Variants in MDN1 observed in about 807,000 individuals in gnomAD.
MDN1 encodes midasin AAA ATPase 1.
Under a neutral mutation model 669.2 loss-of-function variants are expected in MDN1, and 266 were observed. That is an observed-to-expected ratio of 0.40 (90% confidence interval 0.36 to 0.44). The LOEUF (loss-of-function observed/expected upper bound fraction) is 0.44, where lower values mean the gene tolerates loss of function less well. Ranked by LOEUF, MDN1 falls within the 20% of genes least tolerant of loss-of-function variation. The pLI, the probability that MDN1 is intolerant of heterozygous loss-of-function variation, is 1.00. For synonymous variants in MDN1, 2,385 were observed against 2,457.1 expected, an observed-to-expected ratio of 0.97 and a Z score of 0.87; for missense variants, 5,940 against 6,754.0, an observed-to-expected ratio of 0.88 and a Z score of 4.22.
intron 79 of MDN1, 21 bp from the exon 80 acceptor site, chr6:89,673,483 T>G (rs774137465): frequency 2.5e-6 from 4 of 1,607,986 alleles, no homozygotes. Flanking sequence ...AATGCCACAA[T>G]GTTGAAAGGA....
rs878957488 is a variant in MDN1, at chr6:89,672,591, T to C, written c.13586A>G (p.Lys4529Arg). Reference sequence around the variant, plus strand: ...TGCTTGGTCAGTGTTCTCCTCTGCTTTTTCATTCTTTCTTTCTTCTAAGTT... The same window carrying C: ...TGCTTGGTCAGTGTTCTCCTCTGCTCTTTCATTCTTTCTTTCTTCTAAGTT... The part of the protein sequence containing the change: ...IQNLEERKNE[K>R]AEENTDQASP... The change falls in exon 81 of 102, where the codon AAA becomes AGA. Residue 4529 changes from lysine (K) to arginine (R), a missense_variant. Physicochemically the swap from Lys to Arg is conservative, Grantham distance 26. Transcript: ENST00000369393. The C allele has an allele frequency of 6.2e-7, 1 of 1,614,186 alleles. No individual in the cohort carries two copies. The highest frequency in any genetic ancestry group is 1.1e-5 in the South Asian group (1 of 91,078).
rs376293611 is a variant in MDN1, at chr6:89,716,799, T to C, written c.6594A>G (p.Lys2198=). ...CAAAGCTTCGGAACTCTTCAACAAG[T>C]TTGGCAAACTCTGAAATGTCACAGG... ...INSYCKAEFA[K]LVEEFRSFGV... Residue 2198 remains lysine (K), a synonymous_variant, in exon 44 of 102, where the codon AAA becomes AAG. Transcript: ENST00000369393. The C allele has an allele frequency of 5.6e-6, 9 of 1,602,764 alleles. No homozygotes were observed. Among genetic ancestry groups the C allele is most frequent in the Non-Finnish European group, 7.7e-6 (9 of 1,175,664 alleles).
intron 43 of MDN1, 49 bp from the exon 44 acceptor site, chr6:89,716,858 CA>C: frequency 2.7e-6 from 4 of 1,489,218 alleles, no homozygotes; most frequent in Non-Finnish European, 2.7e-6. Flanking sequence ...TAACTTCAAA[CA>C]AAGAATTAAG....
At chr6:89,652,325 T>A (rs1395784362) in intron 94 of MDN1, 44 bp from the exon 95 acceptor site, 7 of 1,492,340 alleles carry the variant, frequency 4.7e-6, no homozygotes, top group Non-Finnish European at 6.5e-6. Context: ...CAGGTTGGAA[T>A]CACCAACTTA....
intron 20 of MDN1, 107 bp downstream of exon 20, chr6:89,756,170 T>C (rs2128319745): frequency 1.9e-6 from 1 of 534,624 alleles, no homozygotes; most frequent in South Asian, 3.8e-5. Flanking sequence ...TGCCATCAGT[T>C]TTCTCAAGTT....
At chr6:89,706,485 T>G (rs373999228) in intron 52 of MDN1, among the ~76,000 whole-genome samples, 3 of 152,300 alleles carry the variant, frequency 2.0e-5, no homozygotes, top group South Asian at 4.1e-4. Flanking sequence ...ATTTTCTATT[T>G]TACAATGTTT....
At position 89,688,750 on chromosome 6, in the gene MDN1, A is replaced by G. The variant is rs2128307747; in HGVS notation, c.11082T>C (p.His3694=). ...GSQLLACTLS[H]NTLFGEAPSD... is the part of the protein sequence containing the mutation. ...AGGGTGCCTCCCCAAAAAGAGTGTT[A>G]TGGGAGAGGGTACAGGCCAAAAGTT... Residue 3694 remains histidine, a synonymous_variant, in exon 66 of 102, where the codon CAT becomes CAC. Transcript: ENST00000369393. 6.2e-7 allele frequency: 1 copy of G among 1,614,190 alleles called. No homozygotes were observed. The highest frequency in any genetic ancestry group is 8.5e-7 in the Non-Finnish European group (1 of 1,180,036).
At chr6:89,783,154 G>C (rs1464090417) in intron 9 of MDN1, among the ~76,000 whole-genome samples, 1 of 152,166 alleles carries the variant, frequency 6.6e-6, no homozygotes, top group Non-Finnish European at 1.5e-5. Context: ...CAGGCAAAAA[G>C]AGCCATATTT....
Position 89,698,973 on chromosome 6 carries a change from G to A in MDN1, c.9060C>T (p.Phe3020=), listed in dbSNP as rs773523001. 1.2e-6 allele frequency: 2 copies of A among 1,613,970 alleles called. No homozygotes were observed. The highest frequency in any genetic ancestry group is 1.7e-6 in the Non-Finnish European group (2 of 1,179,920). The change falls in exon 59 of 102, where the codon TTC becomes TTT. Residue 3020 remains phenylalanine, a synonymous_variant. Transcript: ENST00000369393. The part of the protein sequence containing the change: ...SELFNSMFMS[F]WSSTVTTNPE... ...GATTTGTGGTCACAGTACTGCTCCA[G>A]AAAGACATAAACATGGAATTAAATA...
intron 89 of MDN1, 86 bp from the exon 90 acceptor site, chr6:89,658,456 C>G: frequency 6.4e-7 from 1 of 1,574,612 alleles, no homozygotes; most frequent in Admixed American, 1.7e-5. Context: ...GGCTTCCCCA[C>G]TCCTCACTAA....
intron 11 of MDN1, among the ~76,000 whole-genome samples, chr6:89,779,316 T>C (rs1818522629): frequency 2.6e-5 from 4 of 152,220 alleles, no homozygotes; most frequent in Middle Eastern, 3.2e-3. Context: ...TTTGTTCTTA[T>C]TCCACCTTTA....
At chr6:89,726,300 A>G (rs929328077) in intron 37 of MDN1, among the ~76,000 whole-genome samples, 11 of 151,888 alleles carry the variant, frequency 7.2e-5, no homozygotes, top group African/African-American at 2.7e-4. Flanking sequence ...GTCTCTACTA[A>G]AAATACAAAA....
At chr6:89,812,962 C>T (rs1039489267) in intron 1 of MDN1, among the ~76,000 whole-genome samples, 1 of 150,368 alleles carries the variant, frequency 6.7e-6, no homozygotes, top group African/African-American at 2.4e-5. Context: ...TTTTTTGAGA[C>T]GGAGTTTCAT....
chr6:89,646,707 C>T, intron 99 of MDN1, 104 bp from the exon 100 acceptor site: 1 of 977,326 alleles, frequency 1.0e-6, no homozygotes. Context: ...TATCAGATAA[C>T]CACCTCAGGT....
Position 89,708,536 on chromosome 6 carries a change from G to T in MDN1, c.7858C>A (p.Pro2620Thr). 6.2e-7 allele frequency: 1 copy of T among 1,614,056 alleles called. No individual in the cohort carries two copies. The highest frequency in any genetic ancestry group is 8.5e-7 in the Non-Finnish European group (1 of 1,179,934). The change falls in exon 51 of 102, where the codon CCT becomes ACT. Residue 2620 changes from proline (P) to threonine (T), a missense_variant. Pro to Thr is a conservative substitution (Grantham distance 38, BLOSUM62 -1). This residue lies in a region of MDN1 where 2,292 missense variants were observed against 2,638.3 expected (regional missense o/e 0.87). Transcript: ENST00000369393. ...LMDFDPQTDQ[P>T]DQLFALLESA... ...TCTAAAAGGGCAAAGAGCTGGTCAG[G>T]CTGGTCCGTTTGTGGGTCAAAGTCC...
At chr6:89,817,884 C>T (rs964903519) in intron 1 of MDN1, among the ~76,000 whole-genome samples, 11 of 152,168 alleles carry the variant, frequency 7.2e-5, no homozygotes, top group African/African-American at 1.7e-4. Context: ...TGCTTAGCAG[C>T]GTCCCTGGCC....
chr6:89,663,935 C>G (rs1258436914), intron 85 of MDN1, among the ~76,000 whole-genome samples: 2 of 75,820 alleles, frequency 2.6e-5, no homozygotes, highest in Non-Finnish European at 2.5e-5. Context: ...GAGCGAGACT[C>G]CGTCTTAAAA....
rs761458472 is a variant in MDN1, at chr6:89,663,011, C to T, written c.14237-44G>A. 10 of 1,609,240 alleles carry T rather than the reference C, an allele frequency of 6.2e-6. No homozygotes were observed. The South Asian group carries it at 9.9e-5, about 16-fold the overall frequency. On this transcript the variant is annotated intron_variant, in intron 85 of 101. Coordinates refer to ENST00000369393, the MANE Select transcript of MDN1 (RefSeq NM_014611.3). ...AGCTTAGGCAGATCTCCAAACTGACCCAGTCCTGTGTATTTAAGAGAGGTG... is the reference window on the plus strand; with the variant it reads ...AGCTTAGGCAGATCTCCAAACTGACTCAGTCCTGTGTATTTAAGAGAGGTG...
intron 1 of MDN1, among the ~76,000 whole-genome samples, chr6:89,816,260 C>T (rs919214673): frequency 2.6e-5 from 4 of 151,802 alleles, no homozygotes; most frequent in South Asian, 2.1e-4. Flanking sequence ...ATTAGCCAGG[C>T]GCAGTGGCAG....
Sources: allele counts gnomAD v4.1 joint callset (sites outside exome capture counted in the v4.1 genomes callset), GRCh38; gene constraint gnomAD v4.1.1; regional missense constraint gnomAD v4.1.1; transcripts MANE v1.5; gene names NCBI Gene and HGNC (gene_info 2026-07-23, HGNC 2026-07-21).